COL23A1: variants seen among roughly 807,000 people sequenced by gnomAD.
COL23A1 encodes the protein collagen type XXIII alpha 1 chain.
COL23A1 carries 97 observed loss-of-function variants against 99.3 expected under a neutral mutation model. That is an observed-to-expected ratio of 0.98 (90% CI 0.83 to 1.16). The LOEUF (loss-of-function observed/expected upper bound fraction) is 1.16, where lower values mean the gene tolerates loss of function less well. COL23A1 is among the 50% of genes most tolerant of loss of function. COL23A1 has a pLI of 0.00. For synonymous variants in COL23A1, 320 were observed against 308.2 expected, an observed-to-expected ratio of 1.04 and a Z score of -0.40; for missense variants, 762 against 757.4, an observed-to-expected ratio of 1.01 and a Z score of -0.07.
chr5:178,349,588 C>T (rs1261316692), intron 2 of COL23A1, among the ~76,000 whole-genome samples: 1 of 144,346 alleles, frequency 6.9e-6, no homozygotes. Flanking sequence ...CTTCCTGCCT[C>T]ACCTTTCCAC....
intron 2 of COL23A1, among the ~76,000 whole-genome samples, chr5:178,368,000 A>G (rs1335072295): frequency 6.6e-6 from 1 of 152,196 alleles, no homozygotes; most frequent in Non-Finnish European, 1.5e-5. Context: ...TGCACTGCGG[A>G]AATGCACGGG....
In COL23A1 at chr5:178,247,519, C is replaced by T. The variant is rs984701426; in HGVS notation, c.1296+7G>A. On this transcript the variant is annotated splice_region_variant and intron_variant, in intron 22 of 28. Transcript: ENST00000390654. Reference sequence around the variant, plus strand: ...TGAGGCCAGTAGAGGGGTCTGTGCCCACTCACCTTGGGACCCTGGATTCCC... The same window carrying T: ...TGAGGCCAGTAGAGGGGTCTGTGCCTACTCACCTTGGGACCCTGGATTCCC... The T allele has an allele frequency of 9.3e-6, 15 of 1,614,104 alleles. No individual in the cohort carries two copies. The highest frequency in any genetic ancestry group is 1.3e-5 in the Non-Finnish European group (15 of 1,179,954).
intron 12 of COL23A1, among the ~76,000 whole-genome samples, chr5:178,259,432 T>C (rs570734805): frequency 6.6e-6 from 1 of 152,256 alleles, no homozygotes; most frequent in East Asian, 1.9e-4. Context: ...TGAGAACTAG[T>C]GCCCCCCAGC....
chr5:178,532,097 T>A (rs1020207396), intron 2 of COL23A1, among the ~76,000 whole-genome samples: 24 of 152,202 alleles, frequency 1.6e-4, no homozygotes, highest in African/African-American at 5.8e-4. Context: ...CAGAGCTCAC[T>A]CGGAGACTCC....
At position 178,528,259 on chromosome 5, in the gene COL23A1, G is replaced by A. The variant is rs1024143432; in HGVS notation, c.361+32423C>T. Among the ~76,000 whole-genome samples the A allele has an allele frequency of 7.9e-5, 12 of 152,234 alleles. 1 individual carries two copies. The highest frequency in any genetic ancestry group is 4.1e-4 in the South Asian group (2 of 4,822). On this transcript the variant is annotated intron_variant, in intron 2 of 28. Transcript: ENST00000390654. ...CTCTTCCTCACCTAAGCCCACTCAC[G>A]ATCACTCATTCACCCTTTCACCATC...
chr5:178,446,715 C>G (rs930336237), intron 2 of COL23A1, among the ~76,000 whole-genome samples: 2 of 152,074 alleles, frequency 1.3e-5, no homozygotes, highest in African/African-American at 4.8e-5. Context: ...GTTTTATGAC[C>G]TTGTGAATCT....
chr5:178,562,003 G>T, intron 1 of COL23A1: 1 of 485,056 alleles, frequency 2.1e-6, no homozygotes, highest in Non-Finnish European at 4.0e-6. Flanking sequence ...GAGCGAAGCA[G>T]ATCCTAAAAC....
chr5:178,473,794 C>T (rs1756889718), intron 2 of COL23A1, among the ~76,000 whole-genome samples: 1 of 152,180 alleles, frequency 6.6e-6, no homozygotes. Context: ...AACGCTGACA[C>T]TGTCATCCAG....
chr5:178,517,448 A>G (rs1184695724), intron 2 of COL23A1, among the ~76,000 whole-genome samples: 1 of 151,670 alleles, frequency 6.6e-6, no homozygotes, highest in Admixed American at 6.6e-5. Flanking sequence ...TGCAGGAAGG[A>G]TGCTAACAGG....
intron 18 of COL23A1, among the ~76,000 whole-genome samples, chr5:178,249,706 ACACACACACACT>A (rs1312258592): frequency 9.4e-6 from 1 of 106,222 alleles, no homozygotes; most frequent in East Asian, 3.0e-4. Context: ...ACACACACAC[ACACACACACACT>A]CTCTCTCTCT....
At chr5:178,437,611 TGGCCCTGGTCCCACTGAGTTCTCAG>T (rs1766630928) in intron 2 of COL23A1, among the ~76,000 whole-genome samples, 1 of 152,144 alleles carries the variant, frequency 6.6e-6, no homozygotes, top group African/African-American at 2.4e-5. Flanking sequence ...TCTGAGCATA[TGGCCCTGGTCCCACTGAGTTCTCAG>T]GGCCCAGGCC....
At chr5:178,339,229 A>G (rs905582261) in intron 2 of COL23A1, among the ~76,000 whole-genome samples, 1 of 151,638 alleles carries the variant, frequency 6.6e-6, no homozygotes, top group Non-Finnish European at 1.5e-5. Context: ...AACAAACCCA[A>G]CCTCTCCTCA....
At chr5:178,288,252 T>A in intron 5 of COL23A1, 72 bp downstream of exon 5, 1 of 1,296,098 alleles carries the variant, frequency 7.7e-7, no homozygotes, top group Non-Finnish European at 1.1e-6. Context: ...CAGAGTTAAA[T>A]CAAGGCTCAG....
At chr5:178,513,041 A>G (rs1759295755) in intron 2 of COL23A1, among the ~76,000 whole-genome samples, 1 of 152,206 alleles carries the variant, frequency 6.6e-6, no homozygotes, top group African/African-American at 2.4e-5. Flanking sequence ...AGAAGGCCAT[A>G]TTCCAGGGGC....
At chr5:178,515,794 A>G (rs1759471155) in intron 2 of COL23A1, among the ~76,000 whole-genome samples, 1 of 151,006 alleles carries the variant, frequency 6.6e-6, no homozygotes, top group Non-Finnish European at 1.5e-5. Flanking sequence ...TCCACAGCCC[A>G]CTCGCCTGCT....
Position 178,270,554 on chromosome 5 carries a change from C to A in COL23A1, c.442-191G>T, listed in dbSNP as rs142102978. ...TGTGTTGTCTGCTGCCCAGAATCCC[C>A]TCCTCTGACAAGAGAGCCCAGTTCT... On this transcript the variant is annotated intron_variant, in intron 5 of 28. Transcript: ENST00000390654. Among the ~76,000 whole-genome samples the A allele has an allele frequency of 9.0e-4, 137 of 152,328 alleles. 2 individuals are homozygous for A. The East Asian group carries it at 0.022, about 25-fold the overall frequency.
intron 2 of COL23A1, among the ~76,000 whole-genome samples, chr5:178,322,744 G>A (rs1025073349): frequency 6.6e-6 from 1 of 152,250 alleles, no homozygotes; most frequent in Non-Finnish European, 1.5e-5. Flanking sequence ...GGTCATTCCA[G>A]GGACACCCAC....
chr5:178,515,731 C>T (rs547891152), intron 2 of COL23A1, among the ~76,000 whole-genome samples: 1 of 152,172 alleles, frequency 6.6e-6, no homozygotes. Context: ...CAGCTTCCTG[C>T]ACACTCAGGG....
intron 5 of COL23A1, among the ~76,000 whole-genome samples, chr5:178,287,773 C>A (rs2127583027): frequency 1.3e-5 from 2 of 152,386 alleles, no homozygotes; most frequent in Middle Eastern, 6.8e-3. Context: ...TCAACCCCCG[C>A]ACAGGACCTG....
Sources: gnomAD v4.1 joint callset for allele counts (sites outside exome capture counted in the v4.1 genomes callset) on GRCh38, gnomAD v4.1.1 for gene constraint, MANE v1.5 for transcripts, NCBI Gene and HGNC (gene_info 2026-07-23, HGNC 2026-07-21) for gene names.